Variants in IMPDH1 observed in about 807,000 individuals in gnomAD.
The protein encoded by IMPDH1 is inosine-5'-monophosphate dehydrogenase 1.
IMPDH1 carries 41 observed loss-of-function variants against 73.5 expected under a neutral mutation model. The observed-to-expected ratio is 0.56, with a 90% confidence interval of 0.43 to 0.72. IMPDH1 has a LOEUF of 0.72. Among genes scored for constraint, IMPDH1 ranks in the 30% least tolerant of loss-of-function variants. The pLI, the probability that IMPDH1 is intolerant of heterozygous loss-of-function variation, is 0.00. For synonymous variants in IMPDH1, 318 were observed against 334.3 expected (o/e 0.95, Z 0.53); for missense variants, 645 against 824.8 (o/e 0.78, Z 2.67).
In IMPDH1 at chr7:128,398,879, G is replaced by A. The variant is rs960308540; in HGVS notation, c.875-266C>T. On this transcript the variant is annotated intron_variant, in intron 9 of 16. Transcript: ENST00000338791. The surrounding 1 kb of genome is among the most constrained non-coding windows in gnomAD (Gnocchi z 4.3). ...CCCCGTGGCCTGGGATGGGCAGCCC[G>A]AGCACTGGCAGCCTTTCACCTGCTG... is the stretch of plus-strand genomic sequence containing the variant. 6.6e-6 allele frequency among the ~76,000 whole-genome samples: 1 copy of A among 152,144 alleles called. No individual in the cohort carries two copies. Among genetic ancestry groups the A allele is most frequent in the Non-Finnish European group, 1.5e-5 (1 of 68,024 alleles).
At chr7:128,405,664 G>C (rs375077172) in intron 4 of IMPDH1, 103 bp downstream of exon 4, 425 of 1,427,528 alleles carry the variant, frequency 3.0e-4, no homozygotes, top group Middle Eastern at 1.5e-3. Flanking sequence ...GCAGGCACTC[G>C]CACCGGGCAG....
chr7:128,394,376 G>C lies in IMPDH1; in HGVS notation c.1695-15C>G. The C allele has an allele frequency of 6.2e-7, 1 of 1,613,820 alleles. No individual in the cohort carries two copies. Among genetic ancestry groups the C allele is most frequent in the Non-Finnish European group, 8.5e-7 (1 of 1,179,754 alleles). ...ACATCATGGACCTAGGAGGAAGGTA[G>C]GTGGAGCAGATCAGGGCCACCAAGG... On this transcript the variant is annotated splice_polypyrimidine_tract_variant and intron_variant, in intron 15 of 16. Coordinates refer to ENST00000338791, the MANE Select transcript of IMPDH1 (RefSeq NM_000883.4). This position sits in a 1 kb window ranked among gnomAD's most constrained non-coding sequence, Gnocchi z 5.5.
chr7:128,404,323 G>C (rs1477480850), intron 4 of IMPDH1, among the ~76,000 whole-genome samples: 1 of 152,172 alleles, frequency 6.6e-6, no homozygotes, highest in African/African-American at 2.4e-5. Flanking sequence ...GAAATGGCCA[G>C]GACGGGAAAG....
Position 128,401,893 on chromosome 7 carries a change from A to G in IMPDH1, c.403-777T>C, listed in dbSNP as rs551973559. Among the ~76,000 whole-genome samples, 3 of 152,296 alleles carry G rather than the reference A, an allele frequency of 2.0e-5. No homozygotes were observed. In the South Asian group the frequency reaches 6.2e-4, roughly 32 times the overall value. On this transcript the variant is annotated intron_variant, in intron 5 of 16. Transcript: ENST00000338791. Reference sequence around the variant, plus strand: ...CCCCTCTGAGGGTCAGGCCAACAGTAGTGGATCCCAGTCCCCAAGACATTT... The same window carrying G: ...CCCCTCTGAGGGTCAGGCCAACAGTGGTGGATCCCAGTCCCCAAGACATTT...
At position 128,398,886 on chromosome 7, in the gene IMPDH1, G is replaced by C. The variant is rs1798117915; in HGVS notation, c.875-273C>G. On this transcript the variant is annotated intron_variant, in intron 9 of 16. Coordinates refer to ENST00000338791, the MANE Select transcript of IMPDH1 (RefSeq NM_000883.4). This position sits in a 1 kb window ranked among gnomAD's most constrained non-coding sequence, Gnocchi z 4.3. Reference sequence around the variant, plus strand: ...GCCTGGGATGGGCAGCCCGAGCACTGGCAGCCTTTCACCTGCTGGGCCACA... The same window carrying C: ...GCCTGGGATGGGCAGCCCGAGCACTCGCAGCCTTTCACCTGCTGGGCCACA... Among the ~76,000 whole-genome samples the C allele has an allele frequency of 6.6e-6, 1 of 152,150 alleles. No homozygotes were observed. The highest frequency in any genetic ancestry group is 1.5e-5 in the Non-Finnish European group (1 of 68,028).
chr7:128,394,806 G>T lies in IMPDH1; in HGVS notation c.1550+83C>A. 6.5e-7 allele frequency: 1 copy of T among 1,542,838 alleles called. No homozygotes were observed. Among genetic ancestry groups the T allele is most frequent in the Non-Finnish European group, 8.9e-7 (1 of 1,122,704 alleles). On this transcript the variant is annotated intron_variant, in intron 14 of 16. Coordinates refer to ENST00000338791, the MANE Select transcript of IMPDH1 (RefSeq NM_000883.4). This position sits in a 1 kb window ranked among gnomAD's most constrained non-coding sequence, Gnocchi z 5.5. ...CAGAACCACCATATGGGGACTGGCT[G>T]CCATCTGGGGAAGTCGGTGGCATGA...
Position 128,400,903 on chromosome 7 carries a change from G to C in IMPDH1, c.505-12C>G. 1 of 1,613,306 alleles carries C rather than the reference G, an allele frequency of 6.2e-7. No individual in the cohort carries two copies. The highest frequency in any genetic ancestry group is 1.7e-4 in the Middle Eastern group (1 of 6,060). The stretch of plus-strand genomic sequence containing the variant: ...ATACCTCCCATCAGCTGATGTAGAA[G>C]GGAAGTGTGGTCAGAGCCGGGGCCC... On this transcript the variant is annotated splice_polypyrimidine_tract_variant and intron_variant, in intron 6 of 16. Transcript: ENST00000338791.
At chr7:128,400,560 G>A in intron 7 of IMPDH1, 21 bp from the exon 8 acceptor site, 1 of 1,601,298 alleles carries the variant, frequency 6.2e-7, no homozygotes, top group Non-Finnish European at 8.5e-7. Flanking sequence ...AGATGGGGGA[G>A]GAAAAGGCTG....
intron 4 of IMPDH1, among the ~76,000 whole-genome samples, chr7:128,404,890 G>A (rs1445930768): frequency 6.6e-6 from 1 of 152,142 alleles, no homozygotes; most frequent in East Asian, 1.9e-4. Context: ...CGTCGCCTAC[G>A]GGCAGGCAGG....
intron 5 of IMPDH1, among the ~76,000 whole-genome samples, chr7:128,401,970 C>T (rs1463371771): frequency 2.6e-5 from 4 of 152,208 alleles, no homozygotes; most frequent in Non-Finnish European, 5.9e-5. Context: ...TGAAACCCAT[C>T]ACTAACCCTA....
rs1797887952 is a variant in IMPDH1, at chr7:128,396,011, G to A, written c.1261+589C>T. ...GTGTTTTGGAGAAATTGCCCTCACA[G>A]GAGGGGCCGGGTACATCTCCTCAGG... On this transcript the variant is annotated intron_variant, in intron 12 of 16. Transcript: ENST00000338791. This position sits in a 1 kb window ranked among gnomAD's most constrained non-coding sequence, Gnocchi z 4.0. Among the ~76,000 whole-genome samples, 1 of 152,164 alleles carries A rather than the reference G, an allele frequency of 6.6e-6. No homozygotes were observed. The highest frequency in any genetic ancestry group is 1.5e-5 in the Non-Finnish European group (1 of 68,036).
chr7:128,405,509 C>G (rs1798653865), intron 4 of IMPDH1, among the ~76,000 whole-genome samples: 1 of 152,208 alleles, frequency 6.6e-6, no homozygotes, highest in African/African-American at 2.4e-5. Flanking sequence ...CCCCTCCATG[C>G]CGCTGAGAGG....
chr7:128,409,896 C>A lies in IMPDH1; in HGVS notation c.6G>T (p.Glu2Asp). ...GCAGCGGTGGTGGAGTGAGTGGCCC[C>A]TCCATGCGGAGGCCGCAGCTCAGGG... MEGPLTPPPLQG... is the reference protein window; with the variant it reads MDGPLTPPPLQG... Residue 2 changes from glutamate (E) to aspartate (D), a missense_variant, in exon 1 of 17, where the codon GAG becomes GAT. Glu to Asp is a conservative substitution (Grantham distance 45). Coordinates refer to ENST00000338791, the MANE Select transcript of IMPDH1 (RefSeq NM_000883.4). The A allele has an allele frequency of 2.1e-6, 3 of 1,420,334 alleles. No homozygotes were observed. In the South Asian group the frequency reaches 4.4e-5, roughly 21 times the overall value. 88.0% of individuals were successfully genotyped at this position (1,420,334 alleles called of 1,614,324 possible).
At chr7:128,405,669 G>C in intron 4 of IMPDH1, 98 bp downstream of exon 4, 2 of 1,451,604 alleles carry the variant, frequency 1.4e-6, no homozygotes, top group Non-Finnish European at 1.8e-6. Flanking sequence ...CACTCGCACC[G>C]GGCAGGGAAC....
chr7:128,396,858 G>GA lies in IMPDH1; in HGVS notation c.1165+73dup. The GA allele has an allele frequency of 8.1e-7, 1 of 1,239,170 alleles. No homozygotes were observed. The highest frequency in any genetic ancestry group is 1.2e-6 in the Non-Finnish European group (1 of 840,998). The allele number at this position is 1,239,170 out of a possible 1,614,324, so 76.8% of individuals were successfully genotyped here. A position where few individuals can be genotyped will look rare whatever the true frequency, so the allele number is the denominator to read the frequency against. ...GCCAGGAGCCATACCATCACCTAGG[G>GA]ATGCTGAAGGACAGAAAAGGGTTAC... On this transcript the variant is annotated intron_variant, in intron 11 of 16. Coordinates refer to ENST00000338791, the MANE Select transcript of IMPDH1 (RefSeq NM_000883.4). This position sits in a 1 kb window ranked among gnomAD's most constrained non-coding sequence, Gnocchi z 4.0.
chr7:128,405,189 C>T (rs1798626031), intron 4 of IMPDH1, among the ~76,000 whole-genome samples: 1 of 152,224 alleles, frequency 6.6e-6, no homozygotes, highest in Non-Finnish European at 1.5e-5. Context: ...GTGTCCTCCT[C>T]CAAAACCCCA....
chr7:128,404,629 G>A (rs946784159), intron 4 of IMPDH1, among the ~76,000 whole-genome samples: 1 of 152,124 alleles, frequency 6.6e-6, no homozygotes, highest in East Asian at 1.9e-4. Context: ...CAGGGTGGAG[G>A]GGGGTGGGTC....
intron 12 of IMPDH1, among the ~76,000 whole-genome samples, chr7:128,395,742 G>A (rs1797871156): frequency 6.6e-6 from 1 of 152,266 alleles, no homozygotes; most frequent in Non-Finnish European, 1.5e-5. Flanking sequence ...GTCTAGGGAC[G>A]GATGCAAAGC....
At chr7:128,399,062 C>CA (rs1798128760) in intron 9 of IMPDH1, among the ~76,000 whole-genome samples, 1 of 151,602 alleles carries the variant, frequency 6.6e-6, no homozygotes, top group Non-Finnish European at 1.5e-5. Context: ...TTAATTTTTC[C>CA]TTTTTTTTTC....
Sources: gnomAD v4.1 joint callset for allele counts (sites outside exome capture counted in the v4.1 genomes callset) on GRCh38, gnomAD v4.1.1 for gene constraint, Gnocchi (gnomAD v3.1) non-coding constraint, MANE v1.5 for transcripts, NCBI Gene and HGNC (gene_info 2026-07-23, HGNC 2026-07-21) for gene names.